The following ICE1 variants were observed in gnomAD, a reference collection of about 807,000 sequenced individuals.
ICE1 encodes the protein interactor of little elongation complex ELL subunit 1.
In ICE1, 64 loss-of-function variants were observed where a neutral mutation model predicts 192.7. The ratio of observed to expected loss-of-function variants is 0.33; its 90% CI spans 0.27 to 0.41. The LOEUF (loss-of-function observed/expected upper bound fraction) is 0.41, where lower values mean the gene tolerates loss of function less well. ICE1 is among the 10% of genes least tolerant of loss of function. The pLI is 1.00. For missense variants in ICE1, 2,708 were observed against 2,696.0 expected (o/e 1.00, Z -0.10); for synonymous variants, 1,010 against 984.5 (o/e 1.03, Z -0.49).
chr5:5,461,649 T>C lies in ICE1; in HGVS notation c.2315T>C (p.Ile772Thr). 6.2e-7 allele frequency: 1 copy of C among 1,613,782 alleles called. No individual in the cohort carries two copies. The part of the protein sequence containing the change: ...TLNKPDFTSL[I>T]GSQAALIKSG... ...AATAAGCCAGATTTCACATCATTAATAGGTTCTCAGGCTGCCTTGATCAAG... is the reference window on the plus strand; with the variant it reads ...AATAAGCCAGATTTCACATCATTAACAGGTTCTCAGGCTGCCTTGATCAAG... Residue 772 changes from isoleucine (I) to threonine (T), a missense_variant, in exon 13 of 19, where the codon ATA (isoleucine) becomes ACA (threonine). Physicochemically the swap from Ile to Thr is moderately conservative, Grantham distance 89. This residue lies in a region of ICE1 where 2,366 missense variants were observed against 2,276.6 expected (regional missense o/e 1.04). Coordinates refer to ENST00000296564, the MANE Select transcript of ICE1 (RefSeq NM_015325.3).
chr5:5,435,523 AAGG>A (rs1423870599), intron 1 of ICE1, among the ~76,000 whole-genome samples: 2 of 152,150 alleles, frequency 1.3e-5, no homozygotes, highest in Admixed American at 6.5e-5. Context: ...GTGATGGAAA[AAGG>A]AGACATTAAA....
chr5:5,436,040 TTTG>T (rs776014735), intron 1 of ICE1, among the ~76,000 whole-genome samples: 2 of 152,168 alleles, frequency 1.3e-5, no homozygotes, highest in Admixed American at 6.5e-5. Flanking sequence ...TGGTTTCTTT[TTTG>T]TTGTTATTTT....
chr5:5,477,410 C>A (rs1739350185), intron 17 of ICE1, among the ~76,000 whole-genome samples: 1 of 152,172 alleles, frequency 6.6e-6, no homozygotes, highest in Non-Finnish European at 1.5e-5. Flanking sequence ...AATTCCTGGA[C>A]ACACACACTC....
At chr5:5,454,497 C>A in intron 10 of ICE1, 55 bp from the exon 11 acceptor site, 5 of 1,204,114 alleles carry the variant, frequency 4.2e-6, no homozygotes, top group South Asian at 2.5e-5. Context: ...TATGTTCTGG[C>A]CTTGTGTACG....
rs535039640 is a variant in ICE1 at position 5,460,926 on chromosome 5, GTTC to G, written c.1597_1599del (p.Ser533del). 120 of 1,613,908 alleles carry G rather than the reference GTTC, an allele frequency of 7.4e-5. No homozygotes were observed. Among genetic ancestry groups the G allele is most frequent in the Admixed American group, 6.7e-5 (4 of 60,012 alleles). ...GCTGCCCCTGGGAAGTCTGAGTTGTGTTCTTCTCCCCTTGGCAAAAGGCCATTA... is the reference window on the plus strand; with the variant it reads ...GCTGCCCCTGGGAAGTCTGAGTTGTGTTCTCCCCTTGGCAAAAGGCCATTA... On this transcript the variant is annotated inframe_deletion, in exon 13 of 19. Transcript: ENST00000296564.
intron 14 of ICE1, 62 bp downstream of exon 14, chr5:5,466,564 G>T: frequency 1.5e-6 from 2 of 1,336,472 alleles, no homozygotes; most frequent in African/African-American, 1.5e-5. Context: ...CCCTTATACT[G>T]GAGTCTATAT....
At chr5:5,446,860 T>A (rs1487600003) in intron 7 of ICE1, among the ~76,000 whole-genome samples, 2 of 152,178 alleles carry the variant, frequency 1.3e-5, no homozygotes, top group Non-Finnish European at 2.9e-5. Flanking sequence ...CTGGTCAGAT[T>A]CTTAATAGTA....
intron 17 of ICE1, among the ~76,000 whole-genome samples, chr5:5,480,136 G>A (rs1739454596): frequency 6.6e-6 from 1 of 151,946 alleles, no homozygotes. Flanking sequence ...TCTGCAGCAT[G>A]TATTCTTTGC....
chr5:5,482,209 A>G (rs1347113404), intron 17 of ICE1, among the ~76,000 whole-genome samples: 2 of 152,200 alleles, frequency 1.3e-5, no homozygotes. Flanking sequence ...CTTTGAATCT[A>G]AAATTCTGGC....
chr5:5,428,967 A>T (rs911909815), intron 1 of ICE1, among the ~76,000 whole-genome samples: 1 of 152,160 alleles, frequency 6.6e-6, no homozygotes, highest in Non-Finnish European at 1.5e-5. Context: ...AGGACTTAGC[A>T]TATAGTTATA....
chr5:5,480,518 G>A (rs1396501124), intron 17 of ICE1, among the ~76,000 whole-genome samples: 1 of 152,064 alleles, frequency 6.6e-6, no homozygotes, highest in Non-Finnish European at 1.5e-5. Context: ...AAAGTGCTGG[G>A]ATTACAGGTG....
chr5:5,462,640 G>A lies in ICE1; in HGVS notation c.3306G>A (p.Glu1102=), dbSNP rs780765389. The change falls in exon 13 of 19, where the codon GAG becomes GAA. Residue 1102 remains glutamate (E), a synonymous_variant. Coordinates refer to ENST00000296564, the MANE Select transcript of ICE1 (RefSeq NM_015325.3). ...TACATTGTTACACAGGCATTCGAGAGGGGGGAGACGACACTGAGGTAGAGA... is the reference window on the plus strand; with the variant it reads ...TACATTGTTACACAGGCATTCGAGAAGGGGGAGACGACACTGAGGTAGAGA... ...GTLHCYTGIR[E]GGDDTEVESE... 3.1e-6 allele frequency: 5 copies of A among 1,613,854 alleles called. No homozygotes were observed. Among genetic ancestry groups the A allele is most frequent in the Middle Eastern group, 1.6e-4 (1 of 6,084 alleles).
intron 1 of ICE1, 81 bp from the exon 2 acceptor site, chr5:5,436,337 G>C: frequency 2.4e-6 from 2 of 822,984 alleles, no homozygotes; most frequent in Non-Finnish European, 1.8e-6. Flanking sequence ...AAAATTCTTA[G>C]ATATGATAAA....
intron 3 of ICE1, 43 bp downstream of exon 3, chr5:5,437,157 T>G (rs768744033): frequency 7.2e-6 from 10 of 1,391,370 alleles, no homozygotes; most frequent in Non-Finnish European, 9.0e-6. Context: ...TGGAACTAAC[T>G]TATGTTTAAT....
chr5:5,461,712 A>G lies in ICE1; in HGVS notation c.2378A>G (p.His793Arg), dbSNP rs375759712. The change falls in exon 13 of 19, where the codon CAT becomes CGT. Residue 793 changes from histidine (H) to arginine (R), a missense_variant. Transcript: ENST00000296564. ...TTTGTTAAAAGTACTTCATGGCACC[A>G]TAGTGATTTATTAAGGAAAGGTGGC... ...LGFVKSTSWHHSDLLRKGGEE... is the reference protein window; with the variant it reads ...LGFVKSTSWHRSDLLRKGGEE... 1.2e-5 allele frequency: 19 copies of G among 1,613,774 alleles called. No homozygotes were observed. The highest frequency in any genetic ancestry group is 2.7e-5 in the African/African-American group (2 of 74,940).
intron 12 of ICE1, among the ~76,000 whole-genome samples, chr5:5,458,690 C>G (rs772278524): frequency 6.6e-6 from 1 of 152,154 alleles, no homozygotes; most frequent in South Asian, 2.1e-4. Flanking sequence ...TGTGCATCCT[C>G]CCAAGGAGTT....
At position 5,443,262 on chromosome 5, in the gene ICE1, T is replaced by C. The variant is rs763743393; in HGVS notation, c.386+18T>C. Reference sequence around the variant, plus strand: ...GATGCTCAGTAAGTAGTTACTAAATTACTATAGAAATACGGTTTTCAGTTT... The same window carrying C: ...GATGCTCAGTAAGTAGTTACTAAATCACTATAGAAATACGGTTTTCAGTTT... On this transcript the variant is annotated intron_variant, in intron 6 of 18. Transcript: ENST00000296564. The C allele has an allele frequency of 2.3e-5, 30 of 1,310,508 alleles. No individual in the cohort carries two copies. The highest frequency in any genetic ancestry group is 9.1e-5 in the Admixed American group (3 of 32,998). The allele number at this position is 1,310,508 out of a possible 1,614,324, so 81.2% of individuals were successfully genotyped here.
chr5:5,444,140 G>A (rs1307323989), intron 6 of ICE1, 149 bp from the exon 7 acceptor site: 3 of 585,188 alleles, frequency 5.1e-6, no homozygotes, highest in African/African-American at 3.8e-5. Context: ...ATACTAAATA[G>A]TATATTATTC....
intron 17 of ICE1, among the ~76,000 whole-genome samples, chr5:5,483,967 A>G (rs16875618): frequency 0.04 from 6,092 of 152,300 alleles, 363 homozygotes; most frequent in East Asian, 0.28. Context: ...AGTGTTTATT[A>G]GAAGGGTCTG....
Sources: gnomAD v4.1 joint callset for allele counts (sites outside exome capture counted in the v4.1 genomes callset) on GRCh38, gnomAD v4.1.1 for gene constraint, gnomAD v4.1.1 regional missense constraint, MANE v1.5 for transcripts, NCBI Gene and HGNC (gene_info 2026-07-23, HGNC 2026-07-21) for gene names.